HLA-DRB1: variants seen among roughly 807,000 people sequenced by gnomAD.
HLA-DRB1 encodes the protein major histocompatibility complex, class II, DR beta 1 precursor.
HLA-DRB1 carries 10 observed loss-of-function variants against 27.9 expected under a neutral mutation model. The ratio of observed to expected loss-of-function variants is 0.36; its 90% confidence interval spans 0.22 to 0.61. HLA-DRB1 has a LOEUF of 0.61. Ranked by LOEUF, HLA-DRB1 falls within the 20% of genes least tolerant of loss-of-function variation. The probability of loss-of-function intolerance (pLI) is 0.73; values close to 1 mark genes in which losing one functional copy is unlikely to be tolerated. For synonymous variants in HLA-DRB1, 57 were observed against 126.7 expected, an observed-to-expected ratio of 0.45 and a Z score of 3.69; for missense variants, 118 against 306.3, an observed-to-expected ratio of 0.39 and a Z score of 4.59.
At chr6:32,579,727 G>A (rs72847698) in intron 5 of HLA-DRB1, among the ~76,000 whole-genome samples, 23,152 of 59,458 alleles carry the variant, frequency 0.39, 10,410 homozygotes, top group Admixed American at 0.43. Flanking sequence ...TACAGAGTGC[G>A]AATTGGTCCA....
At chr6:32,583,059 A>T in intron 2 of HLA-DRB1, among the ~76,000 whole-genome samples, 1 of 130,222 alleles carries the variant, frequency 7.7e-6, no homozygotes, top group East Asian at 2.3e-4. Flanking sequence ...TGGATCAAAT[A>T]TCAATAAAGT....
chr6:32,582,136 A>T (rs28723977), intron 2 of HLA-DRB1, among the ~76,000 whole-genome samples: 7,900 of 89,174 alleles, frequency 0.089, no homozygotes, highest in Admixed American at 0.13. Flanking sequence ...TAAAACTGAT[A>T]TTTGAGCCAG....
At chr6:32,586,282 A>C (rs372230538) in intron 1 of HLA-DRB1, among the ~76,000 whole-genome samples, 2,453 of 89,742 alleles carry the variant, frequency 0.027, 15 homozygotes, top group Admixed American at 0.048. Context: ...AAAACAGTCA[A>C]CCTTAACCTC....
At chr6:32,588,409 A>G (rs6920012) in intron 1 of HLA-DRB1, among the ~76,000 whole-genome samples, 21,232 of 92,196 alleles carry the variant, frequency 0.23, 2,274 homozygotes, top group African/African-American at 0.28. Context: ...AGCCTCGATC[A>G]CACCACTGAG....
At chr6:32,589,466 A>T (rs9270277) in intron 1 of HLA-DRB1, among the ~76,000 whole-genome samples, 177 bp downstream of exon 1, 5 of 93,786 alleles carry the variant, frequency 5.3e-5, no homozygotes, top group African/African-American at 1.2e-4. Context: ...TCTCATGAAG[A>T]GGGCAAGTAC....
At chr6:32,588,242 G>A (rs150394154) in intron 1 of HLA-DRB1, among the ~76,000 whole-genome samples, 17,705 of 142,532 alleles carry the variant, frequency 0.12, 1,639 homozygotes, top group Admixed American at 0.14. Context: ...GATTGCTTGA[G>A]TCCAGCAGTT....
intron 4 of HLA-DRB1, 149 bp from the exon 5 acceptor site, chr6:32,580,419 A>G: frequency 2.3e-6 from 1 of 433,194 alleles, no homozygotes; most frequent in Non-Finnish European, 4.3e-6. Flanking sequence ...GAAACAGACC[A>G]TGTGACCCAT....
intron 1 of HLA-DRB1, among the ~76,000 whole-genome samples, chr6:32,587,957 G>GT (rs1331096157): frequency 0.13 from 15,750 of 125,836 alleles, 6 homozygotes; most frequent in East Asian, 0.16. Context: ...ATAAACCAGG[G>GT]TATGGGAACT....
In HLA-DRB1 at chr6:32,581,585, G is replaced by C; in HGVS notation, c.624C>G (p.Ser208Arg). ...ATTCCACTGTGAGAGGGCTTGTCAC[G>C]CTTGGGTGCTCCACTTGGCAGGTGT... The change falls in exon 3 of 6, where the codon AGC becomes AGG. Residue 208 changes from serine to arginine, a missense_variant. By Grantham distance (110) the Ser-to-Arg change is moderately radical. Coordinates refer to ENST00000360004, the Ensembl canonical transcript of HLA-DRB1. 8.8e-7 allele frequency: 1 copy of C among 1,141,944 alleles called. No homozygotes were observed. Among genetic ancestry groups the C allele is most frequent in the East Asian group, 2.9e-5 (1 of 34,874 alleles). The allele number at this position is 1,141,944 out of a possible 1,614,324, so 70.7% of individuals were successfully genotyped here.
chr6:32,584,750 A>T (rs9269984), intron 1 of HLA-DRB1, among the ~76,000 whole-genome samples: 49,951 of 70,536 alleles, frequency 0.71, 20,516 homozygotes, highest in Admixed American at 0.77. Flanking sequence ...CTTTACCGGT[A>T]CCTTCAACAG....
chr6:32,584,545 G>C (rs115170333), intron 1 of HLA-DRB1, among the ~76,000 whole-genome samples, 167 bp from the exon 2 acceptor site: 18,450 of 148,416 alleles, frequency 0.12, 901 homozygotes, highest in Non-Finnish European at 0.14. Context: ...CCGTCTTCCT[G>C]AGGCGAACGG....
At chr6:32,581,898 G>A (rs28732334) in intron 2 of HLA-DRB1, 60 bp from the exon 3 acceptor site, 13,711 of 817,074 alleles carry the variant, frequency 0.017, 1 homozygote, top group African/African-American at 0.03. Context: ...CTCCTGGTTT[G>A]GCTGTGTGTC....
rs1776378952 is a variant in HLA-DRB1, at chr6:32,586,281, A to G, written c.101-1903T>C. Among the ~76,000 whole-genome samples, 2 of 102,086 alleles carry G rather than the reference A, an allele frequency of 2.0e-5. 1 individual carries two copies. The highest frequency in any genetic ancestry group is 6.7e-4 in the East Asian group (2 of 3,002). The allele number at this position is 102,086 out of a possible 152,430, so 67.0% of individuals were successfully genotyped here. On this transcript the variant is annotated intron_variant, in intron 1 of 5. Transcript: ENST00000360004. ...CTGAAGCTCTCTACTCAAAACAGTC[A>G]ACCTTAACCTCGTCCTCACTTTTAC...
At position 32,581,322 on chromosome 6, in the gene HLA-DRB1, G is replaced by A. The variant is rs535593391; in HGVS notation, c.652+235C>T. On this transcript the variant is annotated intron_variant, in intron 3 of 5. Transcript: ENST00000360004. ...GGTGACCCTGACCTGCAAAATCATG[G>A]GGAGGTTCAAAAGAGGGACAGTCTC... Among the ~76,000 whole-genome samples, 245 of 99,806 alleles carry A rather than the reference G, an allele frequency of 2.5e-3. 57 individuals are homozygous for A. The highest frequency in any genetic ancestry group is 3.5e-3 in the Admixed American group (34 of 9,612). The allele number at this position is 99,806 out of a possible 152,430, so 65.5% of individuals were successfully genotyped here.
chr6:32,584,707 C>CACCCGA (rs41288201), intron 1 of HLA-DRB1, among the ~76,000 whole-genome samples: 10 of 98,980 alleles, frequency 1.0e-4, no homozygotes, highest in South Asian at 3.5e-4. Flanking sequence ...CTGGGAGCCC[C>CACCCGA]AAAGACACTC....
chr6:32,585,541 C>T (rs9270029), intron 1 of HLA-DRB1, among the ~76,000 whole-genome samples: 15,041 of 139,694 alleles, frequency 0.11, 1,104 homozygotes, highest in Non-Finnish European at 0.12. Context: ...TTTAACTTTT[C>T]TGATCCTATA....
chr6:32,585,452 G>A (rs9270024), intron 1 of HLA-DRB1, among the ~76,000 whole-genome samples: 121 of 122,414 alleles, frequency 9.9e-4, no homozygotes, highest in African/African-American at 1.3e-3. Context: ...AATCCTCACA[G>A]GATTACCGTT....
chr6:32,588,046 T>G (rs35848285), intron 1 of HLA-DRB1, among the ~76,000 whole-genome samples: 1 of 146,520 alleles, frequency 6.8e-6, no homozygotes, highest in East Asian at 2.1e-4. Flanking sequence ...ACTAGACCCC[T>G]TCTCCTCCCA....
intron 1 of HLA-DRB1, among the ~76,000 whole-genome samples, chr6:32,586,293 G>T (rs9270068): frequency 6.5e-5 from 6 of 91,932 alleles, no homozygotes; most frequent in Admixed American, 2.5e-4. Flanking sequence ...CCTTAACCTC[G>T]TCCTCACTTT....
Sources: allele counts gnomAD v4.1 joint callset (sites outside exome capture counted in the v4.1 genomes callset), GRCh38; gene constraint gnomAD v4.1.1; transcripts MANE v1.5; gene names NCBI Gene and HGNC (gene_info 2026-07-23, HGNC 2026-07-21).